Variants in PTPRD observed in about 807,000 individuals in gnomAD.
PTPRD encodes protein tyrosine phosphatase receptor type D, also known as receptor-type tyrosine-protein phosphatase delta.
A neutral mutation model predicts 214.5 loss-of-function variants in PTPRD; 34 were observed. The ratio of observed to expected loss-of-function variants is 0.16; its 90% CI spans 0.12 to 0.21. PTPRD has a LOEUF of 0.21. Ranked by LOEUF, PTPRD falls within the 10% of genes least tolerant of loss-of-function variation. PTPRD has a pLI of 1.00. For synonymous variants in PTPRD, 1,128 were observed against 845.7 expected (o/e 1.33, Z -5.79); for missense variants, 2,545 against 2,398.7 (o/e 1.06, Z -1.27).
chr9:9,693,256 T>A (rs1446039358), intron 7 of PTPRD, among the ~76,000 whole-genome samples: 3 of 152,110 alleles, frequency 2.0e-5, no homozygotes, highest in Admixed American at 1.3e-4. Context: ...TGTAATCCCC[T>A]GTGTTTAGGG....
At chr9:8,941,898 C>G (rs1418187637) in intron 11 of PTPRD, among the ~76,000 whole-genome samples, 2 of 152,124 alleles carry the variant, frequency 1.3e-5, no homozygotes, top group Admixed American at 1.3e-4. Flanking sequence ...CTCCGCCTCC[C>G]GGGTTCAAGC....
chr9:10,305,791 T>C (rs970580542), intron 3 of PTPRD, among the ~76,000 whole-genome samples: 3 of 151,972 alleles, frequency 2.0e-5, no homozygotes, highest in Non-Finnish European at 4.4e-5. Flanking sequence ...GGAGAGGATG[T>C]GGAGAAATAG....
intron 3 of PTPRD, among the ~76,000 whole-genome samples, chr9:10,070,809 C>T (rs910374919): frequency 6.6e-6 from 1 of 151,822 alleles, no homozygotes; most frequent in African/African-American, 2.4e-5. Context: ...ATATATATTA[C>T]AGTTAATTTC....
In PTPRD at chr9:10,551,965, C is replaced by T. The variant is rs2061457655; in HGVS notation, c.-600+60433G>A. 3.3e-5 allele frequency among the ~76,000 whole-genome samples: 5 copies of T among 152,162 alleles called. No homozygotes were observed. In the South Asian group the frequency reaches 8.3e-4, roughly 25 times the overall value. ...TTCATCCACTCAGTCGAATTTTCTA[C>T]TTTGCATGCATGTTTTCAACACCTA... On this transcript the variant is annotated intron_variant, in intron 2 of 45. Coordinates refer to ENST00000381196, the MANE Select transcript of PTPRD (RefSeq NM_002839.4).
intron 4 of PTPRD, among the ~76,000 whole-genome samples, chr9:9,950,902 TC>T (rs2093394716): frequency 6.6e-6 from 1 of 152,182 alleles, no homozygotes; most frequent in South Asian, 2.1e-4. Context: ...TAATTTCTGT[TC>T]TAATTTCTGG....
At chr9:10,438,794 G>C (rs1269092126) in intron 2 of PTPRD, among the ~76,000 whole-genome samples, 2 of 151,646 alleles carry the variant, frequency 1.3e-5, no homozygotes, top group African/African-American at 2.4e-5. Context: ...AGAGAGCTCA[G>C]ATTTTCATCA....
chr9:9,841,457 T>C (rs912156821), intron 5 of PTPRD, among the ~76,000 whole-genome samples: 3 of 152,124 alleles, frequency 2.0e-5, no homozygotes, highest in African/African-American at 7.2e-5. Flanking sequence ...CATGAGATAA[T>C]CCATGAAGAA....
chr9:8,371,768 T>G (rs933937432), intron 39 of PTPRD, among the ~76,000 whole-genome samples: 5 of 152,034 alleles, frequency 3.3e-5, no homozygotes, highest in Non-Finnish European at 7.4e-5. Flanking sequence ...TTAAGTTGGA[T>G]TATGCATCAA....
chr9:9,137,729 G>C (rs181290563), intron 10 of PTPRD, among the ~76,000 whole-genome samples: 4 of 152,192 alleles, frequency 2.6e-5, no homozygotes, highest in African/African-American at 9.6e-5. Context: ...ATTGTACTTT[G>C]CTTAAAAGTG....
intron 11 of PTPRD, among the ~76,000 whole-genome samples, chr9:9,004,941 G>C (rs1205617261): frequency 6.6e-6 from 1 of 152,084 alleles, no homozygotes; most frequent in East Asian, 1.9e-4. Context: ...AGCCAAAAAT[G>C]AGCTAATTTT....
chr9:8,749,470 G>T (rs2093292432), intron 11 of PTPRD, among the ~76,000 whole-genome samples: 1 of 152,144 alleles, frequency 6.6e-6, no homozygotes, highest in Non-Finnish European at 1.5e-5. Context: ...TTACAGGCGT[G>T]AGCCACCATG....
At chr9:9,596,488 G>A (rs1452096309) in intron 7 of PTPRD, among the ~76,000 whole-genome samples, 2 of 151,812 alleles carry the variant, frequency 1.3e-5, no homozygotes, top group African/African-American at 4.8e-5. Context: ...GGTTGTTATT[G>A]CTAATACACA....
At chr9:9,742,675 A>G (rs1160479618) in intron 6 of PTPRD, among the ~76,000 whole-genome samples, 1 of 151,886 alleles carries the variant, frequency 6.6e-6, no homozygotes, top group Non-Finnish European at 1.5e-5. Flanking sequence ...AAAACATGGT[A>G]TGTTCCTTCC....
At chr9:9,204,551 A>G (rs2099943703) in intron 9 of PTPRD, among the ~76,000 whole-genome samples, 1 of 152,138 alleles carries the variant, frequency 6.6e-6, no homozygotes, top group African/African-American at 2.4e-5. Flanking sequence ...GCTTCCAACT[A>G]TAGAGTACTC....
intron 11 of PTPRD, among the ~76,000 whole-genome samples, chr9:8,890,445 C>G (rs930722393): frequency 2.0e-5 from 3 of 152,166 alleles, no homozygotes; most frequent in Non-Finnish European, 4.4e-5. Flanking sequence ...ATAGTGCTTC[C>G]CCTTGTCTCC....
intron 9 of PTPRD, among the ~76,000 whole-genome samples, chr9:9,324,374 T>C (rs913543661): frequency 2.6e-5 from 4 of 152,206 alleles, no homozygotes; most frequent in Non-Finnish European, 5.9e-5. Context: ...TTTTTAATGA[T>C]TGCCATTCTA....
chr9:9,658,920 G>T (rs2096572314), intron 7 of PTPRD, among the ~76,000 whole-genome samples: 1 of 152,034 alleles, frequency 6.6e-6, no homozygotes, highest in Non-Finnish European at 1.5e-5. Flanking sequence ...TTTAAATCTG[G>T]CAGTTTGATT....
chr9:9,822,838 G>T (rs565058182), intron 5 of PTPRD, among the ~76,000 whole-genome samples: 1 of 152,158 alleles, frequency 6.6e-6, no homozygotes, highest in South Asian at 2.1e-4. Flanking sequence ...AGGATGTGGA[G>T]AAAAGGGAAT....
At chr9:10,275,199 T>A (rs1019233688) in intron 3 of PTPRD, among the ~76,000 whole-genome samples, 5 of 152,134 alleles carry the variant, frequency 3.3e-5, no homozygotes, top group Admixed American at 3.3e-4. Flanking sequence ...CAGCGAAGTA[T>A]CTTTTTTCTT....
Sources: allele counts gnomAD v4.1 joint callset (sites outside exome capture counted in the v4.1 genomes callset), GRCh38; gene constraint gnomAD v4.1.1; transcripts MANE v1.5; gene names NCBI Gene and HGNC (gene_info 2026-07-23, HGNC 2026-07-21).